Variants in NEO1 observed in about 807,000 individuals in gnomAD.
NEO1 encodes neogenin 1.
NEO1 carries 63 observed loss-of-function variants against 159.7 expected under a neutral mutation model. The observed-to-expected ratio is 0.39, with a 90% CI of 0.32 to 0.49. The LOEUF (loss-of-function observed/expected upper bound fraction) is 0.49, where lower values mean the gene tolerates loss of function less well. NEO1 is among the 20% of genes least tolerant of loss of function. The pLI, the probability that NEO1 is intolerant of heterozygous loss-of-function variation, is 0.85. For missense variants in NEO1, 1,615 were observed against 1,831.0 expected, an observed-to-expected ratio of 0.88 and a Z score of 2.15; for synonymous variants, 633 against 662.0, an observed-to-expected ratio of 0.96 and a Z score of 0.67.
At chr15:73,284,158 G>C (rs1357133046) in intron 23 of NEO1, among the ~76,000 whole-genome samples, 2 of 135,678 alleles carry the variant, frequency 1.5e-5, no homozygotes, top group Non-Finnish European at 3.3e-5. Context: ...TAGCAAAATA[G>C]ATAGAAAAAA....
chr15:73,120,105 C>A (rs2071550776), intron 2 of NEO1, among the ~76,000 whole-genome samples: 1 of 151,844 alleles, frequency 6.6e-6, no homozygotes, highest in Non-Finnish European at 1.5e-5. Context: ...CACTGCACTC[C>A]AGCATGGGTG....
At chr15:73,300,726 G>A (rs935674253) in intron 27 of NEO1, among the ~76,000 whole-genome samples, 16 of 151,942 alleles carry the variant, frequency 1.1e-4, no homozygotes, top group African/African-American at 3.4e-4. Flanking sequence ...GAGAGACTCC[G>A]TCTCAAAAAA....
rs367543966 is a variant in NEO1 at position 73,254,869 on chromosome 15, T to G, written c.2092+40T>G. On this transcript the variant is annotated intron_variant, in intron 13 of 28. Coordinates refer to ENST00000261908, the MANE Select transcript of NEO1 (RefSeq NM_002499.4). ...ACAAAGGCAAAAGGTACACTGTGTC[T>G]TTCTCAGATATTGAATTATGCTAGT... is the stretch of plus-strand genomic sequence containing the variant. 3.0e-5 allele frequency: 48 copies of G among 1,586,896 alleles called. No individual in the cohort carries two copies. In the African/African-American group the frequency reaches 5.4e-4, roughly 18 times the overall value.
intron 26 of NEO1, among the ~76,000 whole-genome samples, chr15:73,297,653 T>G (rs1246255634): frequency 1.3e-5 from 2 of 150,894 alleles, no homozygotes; most frequent in African/African-American, 2.4e-5. Flanking sequence ...ACTCTGCCCC[T>G]TCTTATATTT....
At chr15:73,174,188 G>A (rs1017441739) in intron 5 of NEO1, among the ~76,000 whole-genome samples, 1 of 152,114 alleles carries the variant, frequency 6.6e-6, no homozygotes, top group Non-Finnish European at 1.5e-5. Context: ...AGTAAATATA[G>A]GGATTAGCTA....
At chr15:73,126,943 G>C (rs1276194956) in intron 4 of NEO1, among the ~76,000 whole-genome samples, 1 of 151,988 alleles carries the variant, frequency 6.6e-6, no homozygotes, top group Non-Finnish European at 1.5e-5. Flanking sequence ...ATCAGTATGA[G>C]AAACTGGGCT....
intron 5 of NEO1, 108 bp downstream of exon 5, chr15:73,136,135 G>A (rs2031734716): frequency 2.2e-6 from 2 of 929,824 alleles, no homozygotes; most frequent in Non-Finnish European, 1.5e-6. Context: ...ACAATTAAAA[G>A]CATAACTCCT....
In NEO1 at chr15:73,113,695, A is replaced by C. The variant is rs182024487; in HGVS notation, c.131-2845A>C. 1.3e-3 allele frequency among the ~76,000 whole-genome samples: 196 copies of C among 152,262 alleles called. 1 individual carries two copies. Among genetic ancestry groups the C allele is most frequent in the East Asian group, 9.6e-4 (5 of 5,184 alleles). ...ATGCAAAAATCAGTGTGGAACAGGA[A>C]ATGTGGGTGGCAGTATTTAGTTGCA... On this transcript the variant is annotated intron_variant, in intron 1 of 28. Coordinates refer to ENST00000261908, the MANE Select transcript of NEO1 (RefSeq NM_002499.4).
At chr15:73,200,445 A>C (rs1293061318) in intron 7 of NEO1, among the ~76,000 whole-genome samples, 1 of 145,182 alleles carries the variant, frequency 6.9e-6, no homozygotes, top group African/African-American at 2.5e-5. Flanking sequence ...TAAGAGAGAG[A>C]GGGAGAGGGG....
At chr15:73,239,176 A>G (rs2039363395) in intron 8 of NEO1, among the ~76,000 whole-genome samples, 2 of 152,174 alleles carry the variant, frequency 1.3e-5, no homozygotes, top group South Asian at 4.1e-4. Context: ...AAAGCTGGCA[A>G]AAATTTTAAG....
chr15:73,097,423 C>T (rs1036443891), intron 1 of NEO1, among the ~76,000 whole-genome samples: 4 of 127,034 alleles, frequency 3.1e-5, no homozygotes, highest in Admixed American at 9.5e-5. Context: ...TGCAGTGGTG[C>T]AGTCTTGGCT....
At chr15:73,207,935 A>T (rs2037328319) in intron 7 of NEO1, among the ~76,000 whole-genome samples, 1 of 152,200 alleles carries the variant, frequency 6.6e-6, no homozygotes, top group Non-Finnish European at 1.5e-5. Context: ...ATAGTTTTAG[A>T]ACTAATTAGA....
intron 1 of NEO1, among the ~76,000 whole-genome samples, chr15:73,093,133 A>G (rs1281014721): frequency 6.6e-6 from 1 of 152,210 alleles, no homozygotes; most frequent in African/African-American, 2.4e-5. Flanking sequence ...TCTCAGGATT[A>G]GACTGGGGCT....
chr15:73,290,224 A>ATTT (rs34114271), intron 25 of NEO1, among the ~76,000 whole-genome samples: 1,196 of 82,282 alleles, frequency 0.015, 193 homozygotes, highest in Non-Finnish European at 0.019. Context: ...ACTGTGTGGA[A>ATTT]TTTTTTTTTT....
intron 5 of NEO1, among the ~76,000 whole-genome samples, chr15:73,142,863 A>T (rs1160927161): frequency 6.6e-6 from 1 of 152,218 alleles, no homozygotes; most frequent in African/African-American, 2.4e-5. Flanking sequence ...TCCCCCCACA[A>T]CACTAAATCC....
chr15:73,208,834 C>G (rs758402710), intron 7 of NEO1, among the ~76,000 whole-genome samples: 13 of 152,006 alleles, frequency 8.6e-5, no homozygotes, highest in Non-Finnish European at 1.5e-4. Flanking sequence ...TGCACTCCAG[C>G]CTGGGTGAAA....
At chr15:73,274,523 T>C (rs555515257) in intron 20 of NEO1, among the ~76,000 whole-genome samples, 169 bp from the exon 21 acceptor site, 60 of 152,358 alleles carry the variant, frequency 3.9e-4, no homozygotes, top group Non-Finnish European at 5.3e-4. Context: ...TAAGGAATTA[T>C]GGAAGCCCTG....
chr15:73,272,723 G>C (rs1442302040), intron 19 of NEO1, among the ~76,000 whole-genome samples, 161 bp downstream of exon 19: 2 of 152,100 alleles, frequency 1.3e-5, no homozygotes, highest in African/African-American at 4.8e-5. Context: ...TTGGGGTGAG[G>C]CTGTGCTGGT....
At chr15:73,293,648 T>G in intron 26 of NEO1, 100 bp downstream of exon 26, 1 of 1,296,476 alleles carries the variant, frequency 7.7e-7, no homozygotes, top group Non-Finnish European at 1.0e-6. Context: ...GATTTGGAAT[T>G]TTTCTGTTTT....
Sources: allele counts gnomAD v4.1 joint callset (sites outside exome capture counted in the v4.1 genomes callset), GRCh38; gene constraint gnomAD v4.1.1; transcripts MANE v1.5; gene names NCBI Gene and HGNC (gene_info 2026-07-23, HGNC 2026-07-21).